Variants in STX12 observed in about 807,000 individuals in gnomAD.
STX12 encodes the protein syntaxin-12.
STX12 carries 17 observed loss-of-function variants against 42.2 expected under a neutral mutation model. The observed-to-expected ratio is 0.40, with a 90% CI of 0.28 to 0.60. The LOEUF (loss-of-function observed/expected upper bound fraction) is 0.60. STX12 is among the 20% of genes least tolerant of loss of function. STX12 has a pLI of 0.39. For missense variants in STX12, 297 were observed against 330.9 expected, an observed-to-expected ratio of 0.90 and a Z score of 0.79; for synonymous variants, 108 against 116.7, an observed-to-expected ratio of 0.93 and a Z score of 0.48.
intron 1 of STX12, among the ~76,000 whole-genome samples, chr1:27,777,819 G>A (rs961220989): frequency 9.2e-5 from 14 of 152,104 alleles, no homozygotes; most frequent in South Asian, 4.1e-4. Flanking sequence ...TCCGGGAGGC[G>A]GAGGTTGCGG....
intron 7 of STX12, among the ~76,000 whole-genome samples, chr1:27,819,288 AAAG>A (rs1386984916): frequency 2.0e-5 from 3 of 151,620 alleles, no homozygotes; most frequent in Non-Finnish European, 4.4e-5. Flanking sequence ...AAAAAAAAAA[AAAG>A]GTAGCAAAAA....
chr1:27,801,903 T>A, intron 4 of STX12, 88 bp downstream of exon 4: 1 of 1,489,468 alleles, frequency 6.7e-7, no homozygotes, highest in Non-Finnish European at 8.9e-7. Context: ...CTTTGACCAA[T>A]AAACATGTAA....
intron 1 of STX12, among the ~76,000 whole-genome samples, chr1:27,786,644 C>A (rs926345364): frequency 3.9e-5 from 6 of 152,086 alleles, no homozygotes; most frequent in African/African-American, 1.4e-4. Context: ...AGAGTAGATA[C>A]TCTACTCTGA....
At chr1:27,805,461 C>G (rs76342367) in intron 4 of STX12, among the ~76,000 whole-genome samples, 3,064 of 152,062 alleles carry the variant, frequency 0.02, 81 homozygotes, top group African/African-American at 0.068. Flanking sequence ...ATTTTAATGT[C>G]TGGCTTACCA....
At chr1:27,791,193 G>A (rs1287120854) in intron 2 of STX12, among the ~76,000 whole-genome samples, 5 of 152,210 alleles carry the variant, frequency 3.3e-5, no homozygotes, top group Non-Finnish European at 5.9e-5. Context: ...CCTGGGAGGC[G>A]GAGGTTGCAG....
chr1:27,816,331 G>A (rs1452965802), intron 6 of STX12, among the ~76,000 whole-genome samples: 2 of 151,676 alleles, frequency 1.3e-5, no homozygotes, highest in South Asian at 2.1e-4. Context: ...AAAAATAGCC[G>A]GGCGTGGTGG....
intron 1 of STX12, among the ~76,000 whole-genome samples, chr1:27,775,249 T>A (rs1216023101): frequency 6.6e-6 from 1 of 152,156 alleles, no homozygotes; most frequent in Non-Finnish European, 1.5e-5. Flanking sequence ...CAAAGGTAGA[T>A]CCGACATACA....
chr1:27,803,007 A>G (rs907397686), intron 4 of STX12, among the ~76,000 whole-genome samples: 1 of 152,222 alleles, frequency 6.6e-6, no homozygotes, highest in African/African-American at 2.4e-5. Flanking sequence ...AAAATTGGTT[A>G]GAATATATTA....
intron 4 of STX12, among the ~76,000 whole-genome samples, chr1:27,805,595 C>T (rs1331907467): frequency 2.0e-5 from 3 of 152,088 alleles, no homozygotes; most frequent in Non-Finnish European, 4.4e-5. Context: ...TTACTTTTAC[C>T]AGTGAATGTT....
intron 1 of STX12, among the ~76,000 whole-genome samples, chr1:27,775,685 T>C (rs1320807681): frequency 6.6e-6 from 1 of 152,224 alleles, no homozygotes; most frequent in Non-Finnish European, 1.5e-5. Flanking sequence ...ATTGGTGCTA[T>C]AGAAGACATA....
chr1:27,817,052 GAGGAAGGA>G (rs749220613), intron 6 of STX12, among the ~76,000 whole-genome samples: 1 of 147,390 alleles, frequency 6.8e-6, no homozygotes, highest in South Asian at 2.2e-4. Context: ...GAGAGGGAGG[GAGGAAGGA>G]AGGAAGGAAA....
chr1:27,777,614 C>G (rs1047674953), intron 1 of STX12, among the ~76,000 whole-genome samples: 1 of 152,138 alleles, frequency 6.6e-6, no homozygotes, highest in South Asian at 2.1e-4. Flanking sequence ...AGGCCGGACA[C>G]GGTGACTCAC....
intron 1 of STX12, among the ~76,000 whole-genome samples, chr1:27,780,354 G>A (rs574021912): frequency 9.9e-5 from 15 of 151,384 alleles, no homozygotes; most frequent in Non-Finnish European, 1.9e-4. Flanking sequence ...GATTACAGGC[G>A]TGCACCACAT....
intron 1 of STX12, among the ~76,000 whole-genome samples, chr1:27,788,660 A>G (rs1299625698): frequency 6.6e-6 from 1 of 152,182 alleles, no homozygotes; most frequent in Non-Finnish European, 1.5e-5. Flanking sequence ...TTAATTGTGT[A>G]TGCTTGTATA....
chr1:27,820,213 C>T (rs1006469747), intron 8 of STX12: 1 of 152,408 alleles, frequency 6.6e-6, no homozygotes, highest in African/African-American at 2.4e-5. Flanking sequence ...AGTTGAAACT[C>T]TGGTTTTTTT....
rs1266727534 is a variant in STX12 at position 27,799,016 on chromosome 1, G to A, written c.289-2662G>A. ...TGGTAACATGGAAAATGTTTATGAT[G>A]TATTTAAAAGTTATGATAATATTTT... is the stretch of plus-strand genomic sequence containing the variant. On this transcript the variant is annotated intron_variant, in intron 3 of 8. Transcript: ENST00000373943. 2.0e-5 allele frequency among the ~76,000 whole-genome samples: 3 copies of A among 151,908 alleles called. No homozygotes were observed. In the East Asian group the frequency reaches 5.8e-4, roughly 29 times the overall value.
intron 3 of STX12, 27 bp downstream of exon 3, chr1:27,793,659 A>G (rs370765507): frequency 5.7e-4 from 906 of 1,586,714 alleles, no homozygotes; most frequent in Non-Finnish European, 7.1e-4. Flanking sequence ...TTGTTTATTA[A>G]TAGGAAAGGA....
intron 8 of STX12, 32 bp from the exon 9 acceptor site, chr1:27,822,199 T>C: frequency 1.5e-6 from 2 of 1,328,004 alleles, no homozygotes; most frequent in Non-Finnish European, 2.2e-6. Context: ...ACTTGTTTCA[T>C]GAGTATCTTG....
At chr1:27,807,680 C>T (rs143869861) in intron 4 of STX12, among the ~76,000 whole-genome samples, 157 of 152,240 alleles carry the variant, frequency 1.0e-3, no homozygotes, top group African/African-American at 3.7e-3. Flanking sequence ...CCTTGTGATC[C>T]AGCAATTCTA....
Sources: allele counts gnomAD v4.1 joint callset (sites outside exome capture counted in the v4.1 genomes callset), GRCh38; gene constraint gnomAD v4.1.1; transcripts MANE v1.5; gene names NCBI Gene and HGNC (gene_info 2026-07-23, HGNC 2026-07-21).